PUM1: variants seen among roughly 807,000 people sequenced by gnomAD.
The protein encoded by PUM1 is pumilio homolog 1.
Under a neutral mutation model 131.8 loss-of-function variants are expected in PUM1, and 13 were observed. That is an observed-to-expected ratio of 0.10 (90% confidence interval 0.06 to 0.16). PUM1 has a LOEUF of 0.16. PUM1 is among the 10% of genes least tolerant of loss of function. The pLI, the probability that PUM1 is intolerant of heterozygous loss-of-function variation, is 1.00. For missense variants in PUM1, 961 were observed against 1,512.4 expected, an observed-to-expected ratio of 0.64 and a Z score of 6.05; for synonymous variants, 509 against 556.5, an observed-to-expected ratio of 0.91 and a Z score of 1.20.
intron 19 of PUM1, 50 bp from the exon 20 acceptor site, chr1:30,941,322 G>A (rs1639430802): frequency 1.3e-6 from 2 of 1,571,698 alleles, no homozygotes; most frequent in Non-Finnish European, 1.7e-6. Context: ...AGCCAGTTCT[G>A]CAGGTTACTT....
intron 3 of PUM1, among the ~76,000 whole-genome samples, chr1:31,025,523 T>A (rs1027600991): frequency 6.6e-6 from 1 of 150,718 alleles, no homozygotes; most frequent in African/African-American, 2.4e-5. Flanking sequence ...TTTATATGGG[T>A]AAATACTGGT....
chr1:31,060,810 C>T (rs941426124), intron 1 of PUM1, among the ~76,000 whole-genome samples: 3 of 151,578 alleles, frequency 2.0e-5, no homozygotes, highest in Admixed American at 6.6e-5. Context: ...CGTTTGAACC[C>T]GGGAGGCAGA....
chr1:31,032,122 C>T (rs1416986557), intron 2 of PUM1, among the ~76,000 whole-genome samples: 1 of 152,174 alleles, frequency 6.6e-6, no homozygotes, highest in African/African-American at 2.4e-5. Context: ...ACCAGTCACC[C>T]ACGTTGACTA....
intron 5 of PUM1, among the ~76,000 whole-genome samples, chr1:31,001,733 A>C (rs1314256146): frequency 1.3e-5 from 2 of 152,176 alleles, no homozygotes; most frequent in Non-Finnish European, 2.9e-5. Flanking sequence ...TGCCTTTTTC[A>C]CAATGCCCTC....
At chr1:31,063,378 C>A (rs1644409755) in intron 1 of PUM1, among the ~76,000 whole-genome samples, 1 of 152,056 alleles carries the variant, frequency 6.6e-6, no homozygotes, top group South Asian at 2.1e-4. Flanking sequence ...AATTTAGTTA[C>A]CCCTAGTTAA....
chr1:30,952,764 C>T (rs557639675), intron 15 of PUM1, among the ~76,000 whole-genome samples: 3 of 149,644 alleles, frequency 2.0e-5, no homozygotes, highest in Non-Finnish European at 4.4e-5. Context: ...CCCTACTTGA[C>T]TTTTTTCCTT....
At chr1:30,966,622 T>C (rs776872419) in intron 12 of PUM1, among the ~76,000 whole-genome samples, 2 of 152,262 alleles carry the variant, frequency 1.3e-5, no homozygotes, top group African/African-American at 2.4e-5. Flanking sequence ...TCTAGAACCA[T>C]GTAATGCACA....
At chr1:31,064,395 C>A (rs931629320) in intron 1 of PUM1, among the ~76,000 whole-genome samples, 1 of 152,062 alleles carries the variant, frequency 6.6e-6, no homozygotes, top group Non-Finnish European at 1.5e-5. Context: ...GAATCAACAG[C>A]CCCCCAGTGT....
chr1:31,015,824 C>T (rs1005255435), intron 3 of PUM1, among the ~76,000 whole-genome samples: 2 of 151,960 alleles, frequency 1.3e-5, no homozygotes, highest in African/African-American at 4.8e-5. Flanking sequence ...CAGGCATGCG[C>T]CACCATACCT....
intron 10 of PUM1, among the ~76,000 whole-genome samples, chr1:30,971,815 T>A (rs1027964908): frequency 2.0e-5 from 3 of 152,196 alleles, no homozygotes; most frequent in Admixed American, 1.3e-4. Flanking sequence ...AAACAGCAAT[T>A]AGTATTATTC....
chr1:31,064,249 C>T lies in PUM1; in HGVS notation c.-12+1367G>A, dbSNP rs192492046. ...GTCATAAATTTATCTTAAAACAGTT[C>T]ATTTTAAACCTAAACTAAACAAATT... On this transcript the variant is annotated intron_variant, in intron 1 of 21. Coordinates refer to ENST00000426105, the MANE Select transcript of PUM1 (RefSeq NM_001020658.2). 2.0e-5 allele frequency among the ~76,000 whole-genome samples: 3 copies of T among 152,194 alleles called. No individual in the cohort carries two copies. In the East Asian group the frequency reaches 5.8e-4, roughly 29 times the overall value.
chr1:31,033,572 C>T (rs1393900615), intron 2 of PUM1, among the ~76,000 whole-genome samples: 3 of 151,998 alleles, frequency 2.0e-5, no homozygotes, highest in Non-Finnish European at 4.4e-5. Flanking sequence ...TACCATGTTG[C>T]CCAGGCAGGT....
At chr1:31,037,933 G>A (rs1172567294) in intron 2 of PUM1, among the ~76,000 whole-genome samples, 1 of 151,808 alleles carries the variant, frequency 6.6e-6, no homozygotes, top group Non-Finnish European at 1.5e-5. Flanking sequence ...AAAAAAATTA[G>A]CCAGGCGTGG....
chr1:31,002,404 C>T (rs1404421812), intron 5 of PUM1, among the ~76,000 whole-genome samples: 1 of 152,048 alleles, frequency 6.6e-6, no homozygotes, highest in Non-Finnish European at 1.5e-5. Context: ...GGTCATTACC[C>T]TAATCAAAGT....
intron 17 of PUM1, among the ~76,000 whole-genome samples, chr1:30,948,387 TAGG>T (rs1331705732): frequency 6.6e-6 from 1 of 151,102 alleles, no homozygotes; most frequent in African/African-American, 2.4e-5. Context: ...TAATAAAGGG[TAGG>T]AAGCATAAGT....
At chr1:31,022,249 T>C (rs999234027) in intron 3 of PUM1, among the ~76,000 whole-genome samples, 2 of 152,220 alleles carry the variant, frequency 1.3e-5, no homozygotes, top group African/African-American at 4.8e-5. Flanking sequence ...TAGATCATTA[T>C]ATTGAAAAGT....
chr1:30,989,973 C>T (rs1417867634), intron 7 of PUM1, among the ~76,000 whole-genome samples: 1 of 152,128 alleles, frequency 6.6e-6, no homozygotes, highest in African/African-American at 2.4e-5. Flanking sequence ...ACAGAGTGAG[C>T]CTTAAAATAT....
chr1:30,985,492 A>T (rs1641516631), intron 7 of PUM1, among the ~76,000 whole-genome samples: 1 of 152,088 alleles, frequency 6.6e-6, no homozygotes, highest in Admixed American at 6.5e-5. Context: ...ATCTCTAATA[A>T]AAATACAAAA....
At chr1:31,046,609 G>A (rs916266007) in intron 2 of PUM1, among the ~76,000 whole-genome samples, 1 of 149,538 alleles carries the variant, frequency 6.7e-6, no homozygotes, top group African/African-American at 2.5e-5. Context: ...CGGGGTTCAA[G>A]CGATTCTCCT....
Sources: allele counts gnomAD v4.1 joint callset (sites outside exome capture counted in the v4.1 genomes callset), GRCh38; gene constraint gnomAD v4.1.1; transcripts MANE v1.5; gene names NCBI Gene and HGNC (gene_info 2026-07-23, HGNC 2026-07-21).